ARHGEF3: variants seen among roughly 807,000 people sequenced by gnomAD.
ARHGEF3 encodes the protein Rho guanine nucleotide exchange factor 3.
ARHGEF3 carries 28 observed loss-of-function variants against 63.2 expected under a neutral mutation model. That is an observed-to-expected ratio of 0.44 (90% CI 0.33 to 0.61). The LOEUF (loss-of-function observed/expected upper bound fraction) is 0.61. Among genes scored for constraint, ARHGEF3 ranks in the 20% least tolerant of loss-of-function variants. The probability of loss-of-function intolerance (pLI) is 0.03; values close to 1 mark genes in which losing one functional copy is unlikely to be tolerated. For synonymous variants in ARHGEF3, 266 were observed against 254.2 expected, an observed-to-expected ratio of 1.05 and a Z score of -0.44; for missense variants, 533 against 659.3, an observed-to-expected ratio of 0.81 and a Z score of 2.10.
intron 2 of ARHGEF3, among the ~76,000 whole-genome samples, chr3:57,000,180 T>G (rs1353225179): frequency 6.6e-6 from 1 of 152,186 alleles, no homozygotes; most frequent in Non-Finnish European, 1.5e-5. Context: ...ATAGTGAATG[T>G]TATTTTCACT....
At chr3:56,851,799 G>A (rs2039684308) in intron 4 of ARHGEF3, among the ~76,000 whole-genome samples, 2 of 151,370 alleles carry the variant, frequency 1.3e-5, no homozygotes, top group African/African-American at 2.4e-5. Flanking sequence ...AGTTACTCAG[G>A]GCATTCACAA....
At chr3:56,846,306 G>C (rs541114122) in intron 4 of ARHGEF3, among the ~76,000 whole-genome samples, 1 of 152,136 alleles carries the variant, frequency 6.6e-6, no homozygotes, top group African/African-American at 2.4e-5. Context: ...TTAGAAAATG[G>C]GGCAGGAGGA....
intron 4 of ARHGEF3, among the ~76,000 whole-genome samples, chr3:56,876,793 C>T (rs951167776): frequency 6.6e-6 from 1 of 152,206 alleles, no homozygotes; most frequent in African/African-American, 2.4e-5. Flanking sequence ...GATGCCCCAC[C>T]ACCAGCTCCA....
chr3:57,040,915 A>ACTCT (rs377600391), intron 1 of ARHGEF3, among the ~76,000 whole-genome samples: 151,902 of 152,074 alleles, frequency 1, 75,865 homozygotes, highest in Middle Eastern at 1. Context: ...GTGAAGGAGT[A>ACTCT]CCTTCACTCC....
At chr3:56,956,134 G>A (rs549481594) in intron 3 of ARHGEF3, among the ~76,000 whole-genome samples, 3 of 152,216 alleles carry the variant, frequency 2.0e-5, no homozygotes, top group African/African-American at 7.2e-5. Flanking sequence ...AGCTAGCTAA[G>A]AACTTGAGGG....
chr3:56,976,440 G>A (rs903377013), intron 2 of ARHGEF3, among the ~76,000 whole-genome samples: 1 of 152,118 alleles, frequency 6.6e-6, no homozygotes, highest in Admixed American at 6.5e-5. Context: ...ACTCCGTAAG[G>A]GCTTCTTGCC....
intron 2 of ARHGEF3, among the ~76,000 whole-genome samples, chr3:57,028,215 T>A (rs1703557026): frequency 6.9e-6 from 1 of 145,708 alleles, no homozygotes; most frequent in African/African-American, 2.6e-5. Context: ...GGACTATAAA[T>A]CATGCTGCTA....
chr3:56,944,224 G>A (rs73086377), intron 3 of ARHGEF3, among the ~76,000 whole-genome samples: 1 of 152,008 alleles, frequency 6.6e-6, no homozygotes, highest in Non-Finnish European at 1.5e-5. Flanking sequence ...AAGGCCATAG[G>A]TGCCATAGAC....
At chr3:56,862,605 C>G (rs2040114832) in intron 4 of ARHGEF3, among the ~76,000 whole-genome samples, 1 of 152,180 alleles carries the variant, frequency 6.6e-6, no homozygotes, top group Admixed American at 6.5e-5. Flanking sequence ...CAGGACGAGG[C>G]TGCTGCAGGC....
At chr3:56,902,771 G>A (rs1175545315) in intron 3 of ARHGEF3, among the ~76,000 whole-genome samples, 2 of 152,152 alleles carry the variant, frequency 1.3e-5, no homozygotes, top group Admixed American at 1.3e-4. Context: ...GCAGACCAGA[G>A]AAGGAGACTT....
intron 6 of ARHGEF3, among the ~76,000 whole-genome samples, chr3:56,746,665 G>C (rs1210051475): frequency 6.6e-6 from 1 of 152,002 alleles, no homozygotes; most frequent in Non-Finnish European, 1.5e-5. Context: ...GGGAGGCAGA[G>C]GTTGCAGTGA....
intron 2 of ARHGEF3, among the ~76,000 whole-genome samples, chr3:56,981,183 C>A (rs1701314427): frequency 1.3e-5 from 2 of 152,214 alleles, no homozygotes; most frequent in South Asian, 4.1e-4. Context: ...ACTGAGATAT[C>A]TGCTTGGTGT....
intron 4 of ARHGEF3, among the ~76,000 whole-genome samples, chr3:56,854,385 G>A (rs909971140): frequency 6.6e-6 from 1 of 152,156 alleles, no homozygotes; most frequent in African/African-American, 2.4e-5. Flanking sequence ...GGGTCTCAAA[G>A]CCACGTTAAG....
At chr3:56,818,092 G>C (rs980389574) in intron 4 of ARHGEF3, among the ~76,000 whole-genome samples, 1 of 152,168 alleles carries the variant, frequency 6.6e-6, no homozygotes, top group Non-Finnish European at 1.5e-5. Context: ...GAGAGGTTAG[G>C]GATAAAAGAG....
chr3:57,029,543 T>G (rs1398866912), intron 2 of ARHGEF3, among the ~76,000 whole-genome samples: 1 of 152,128 alleles, frequency 6.6e-6, no homozygotes, highest in Non-Finnish European at 1.5e-5. Context: ...CAGTAGCAGA[T>G]GTAGGGAGCT....
At chr3:56,756,099 A>G (rs1335592321) in intron 2 of ARHGEF3, among the ~76,000 whole-genome samples, 1 of 152,232 alleles carries the variant, frequency 6.6e-6, no homozygotes, top group Non-Finnish European at 1.5e-5. Flanking sequence ...TTTCCCAAAG[A>G]GGCCGCAGAA....
At chr3:56,958,271 G>C (rs1420981487) in intron 3 of ARHGEF3, among the ~76,000 whole-genome samples, 1 of 150,664 alleles carries the variant, frequency 6.6e-6, no homozygotes, top group African/African-American at 2.4e-5. Context: ...TGCAGCCCAA[G>C]ACCCTCAGGG....
At chr3:56,792,957 A>C (rs2037160212) in intron 1 of ARHGEF3, among the ~76,000 whole-genome samples, 1 of 150,878 alleles carries the variant, frequency 6.6e-6, no homozygotes, top group African/African-American at 2.4e-5. Context: ...CCCACCAATA[A>C]GTGTATTATT....
At chr3:56,974,971 A>C (rs977374610) in intron 2 of ARHGEF3, among the ~76,000 whole-genome samples, 4 of 152,072 alleles carry the variant, frequency 2.6e-5, no homozygotes, top group Non-Finnish European at 5.9e-5. Flanking sequence ...TCCTTGTTTG[A>C]AATAAGACCA....
Sources: allele counts gnomAD v4.1 joint callset (sites outside exome capture counted in the v4.1 genomes callset), GRCh38; gene constraint gnomAD v4.1.1; transcripts MANE v1.5; gene names NCBI Gene and HGNC (gene_info 2026-07-23, HGNC 2026-07-21).